The following USP34 variants were observed in gnomAD, a reference collection of about 807,000 sequenced individuals.
USP34 encodes ubiquitin specific peptidase 34, also known as ubiquitin carboxyl-terminal hydrolase 34.
Under a neutral mutation model 460.3 loss-of-function variants are expected in USP34, and 70 were observed. The observed-to-expected ratio is 0.15, with a 90% confidence interval of 0.13 to 0.19. USP34 has a LOEUF of 0.19. Ranked by LOEUF, USP34 falls within the 10% of genes least tolerant of loss-of-function variation. The pLI is 1.00. For missense variants in USP34, 3,985 were observed against 4,236.2 expected, an observed-to-expected ratio of 0.94 and a Z score of 1.65; for synonymous variants, 1,647 against 1,405.3, an observed-to-expected ratio of 1.17 and a Z score of -3.85.
chr2:61,382,526 A>G (rs1186571573), intron 6 of USP34, among the ~76,000 whole-genome samples: 1 of 152,226 alleles, frequency 6.6e-6, no homozygotes, highest in Non-Finnish European at 1.5e-5. Context: ...ACTTACTTGC[A>G]TAGCATTCAT....
rs748507439 is a variant in USP34 at position 61,208,956 on chromosome 2, T to C, written c.8862A>G (p.Glu2954=). 1.9e-6 allele frequency: 3 copies of C among 1,593,922 alleles called. No homozygotes were observed. The highest frequency in any genetic ancestry group is 2.7e-5 in the African/African-American group (2 of 74,256). Residue 2954 remains glutamate, a synonymous_variant, in exon 70 of 80, where the codon GAA becomes GAG. Coordinates refer to ENST00000398571, the MANE Select transcript of USP34 (RefSeq NM_014709.4). ...TLISAFRILL[E]SDEDRLLVVF... ...CAACAAGAAGTCTGTCTTCATCAGA[T>C]TCTAATAGTATTCTGAAGGCACTAG...
At chr2:61,202,138 T>C (rs753495498) in intron 75 of USP34, among the ~76,000 whole-genome samples, 7 of 152,318 alleles carry the variant, frequency 4.6e-5, no homozygotes, top group Middle Eastern at 3.4e-3. Context: ...GAATTATCCC[T>C]GACAGCTGTT....
chr2:61,269,246 A>T (rs1011035441), intron 41 of USP34, among the ~76,000 whole-genome samples: 2 of 151,696 alleles, frequency 1.3e-5, no homozygotes, highest in African/African-American at 2.4e-5. Context: ...CTGCAGCCTC[A>T]ATCTCCCAGG....
At chr2:61,195,918 T>C (rs929295625) in intron 75 of USP34, among the ~76,000 whole-genome samples, 34 of 151,936 alleles carry the variant, frequency 2.2e-4, no homozygotes, top group African/African-American at 7.3e-4. Context: ...TTTTTTTTCT[T>C]TTTTTGAGAC....
intron 1 of USP34, among the ~76,000 whole-genome samples, chr2:61,448,731 C>G (rs1695188396): frequency 6.6e-6 from 1 of 152,098 alleles, no homozygotes; most frequent in South Asian, 2.1e-4. Context: ...GATCAAGGTA[C>G]CAAATCAACC....
At chr2:61,416,505 G>A (rs977855668) in intron 2 of USP34, among the ~76,000 whole-genome samples, 4 of 152,080 alleles carry the variant, frequency 2.6e-5, no homozygotes, top group African/African-American at 4.8e-5. Flanking sequence ...GTTAAGGAAC[G>A]TGGAATTTCC....
At chr2:61,278,045 G>T in intron 41 of USP34, 120 bp downstream of exon 41, 1 of 1,244,408 alleles carries the variant, frequency 8.0e-7, no homozygotes, top group South Asian at 1.7e-5. Flanking sequence ...CTTTTCTTTT[G>T]TAAACTGCCC....
At chr2:61,219,924 C>A (rs1687510304) in intron 67 of USP34, among the ~76,000 whole-genome samples, 2 of 151,670 alleles carry the variant, frequency 1.3e-5, no homozygotes. Context: ...TTGTGTACAA[C>A]TTAAAGTGTT....
chr2:61,197,892 T>TG (rs1686855000), intron 75 of USP34, among the ~76,000 whole-genome samples: 1 of 152,208 alleles, frequency 6.6e-6, no homozygotes, highest in Non-Finnish European at 1.5e-5. Flanking sequence ...CCCAAGCAGC[T>TG]GGGACTACAG....
At chr2:61,311,482 A>AAAAAAAGAGAAAGAGAG (rs1690591966) in intron 27 of USP34, 58 bp downstream of exon 27, 1 of 1,508,152 alleles carries the variant, frequency 6.6e-7, no homozygotes. Flanking sequence ...GAGAAAGAGA[A>AAAAAAAGAGAAAGAGAG]AGAGAAAAAG....
intron 34 of USP34, among the ~76,000 whole-genome samples, chr2:61,286,618 G>A (rs1249718599): frequency 6.6e-6 from 1 of 152,064 alleles, no homozygotes; most frequent in Non-Finnish European, 1.5e-5. Context: ...TGGCGCCAGT[G>A]CACTTCAGCT....
intron 49 of USP34, among the ~76,000 whole-genome samples, chr2:61,247,086 TAAAG>T (rs1225707971): frequency 4.0e-5 from 6 of 151,386 alleles, no homozygotes; most frequent in South Asian, 2.1e-4. Flanking sequence ...AGAAACAAAA[TAAAG>T]AAAAAGGTAC....
rs1475316115 is a variant in USP34 at position 61,188,077 on chromosome 2, A to C, written c.*25T>G. On this transcript the variant is annotated 3_prime_UTR_variant, in exon 80 of 80. Coordinates refer to ENST00000398571, the MANE Select transcript of USP34 (RefSeq NM_014709.4). ...CATGGGGGTTGGGGGTGAGGGACTT[A>C]AAAGTAGACATGCTACACCTAATGT... 4 of 1,591,290 alleles carry C rather than the reference A, an allele frequency of 2.5e-6. No individual in the cohort carries two copies. Among genetic ancestry groups the C allele is most frequent in the Non-Finnish European group, 3.4e-6 (4 of 1,168,646 alleles).
At chr2:61,391,682 T>C (rs1693352070) in intron 5 of USP34, among the ~76,000 whole-genome samples, 2 of 152,038 alleles carry the variant, frequency 1.3e-5, no homozygotes, top group Admixed American at 1.3e-4. Flanking sequence ...GGAATAGACA[T>C]ACAAAAATGA....
At chr2:61,281,003 A>C (rs1689520872) in intron 38 of USP34, 87 bp downstream of exon 38, 5 of 1,416,548 alleles carry the variant, frequency 3.5e-6, no homozygotes, top group Non-Finnish European at 4.7e-6. Flanking sequence ...TCAAATGATC[A>C]AAATTTTAAG....
Position 61,311,562 on chromosome 2 carries a change from G to C in USP34, c.3795C>G (p.Ser1265Arg). The C allele has an allele frequency of 6.2e-7, 1 of 1,605,598 alleles. No individual in the cohort carries two copies. The highest frequency in any genetic ancestry group is 8.5e-7 in the Non-Finnish European group (1 of 1,177,026). The change falls in exon 27 of 80, where the codon AGC becomes AGG. Residue 1265 changes from serine to arginine, a missense_variant. Transcript: ENST00000398571. Reference protein sequence around the residue: ...QQAQLQEFGQSNRKGEFPGGL... With the variant: ...QQAQLQEFGQRNRKGEFPGGL... The stretch of plus-strand genomic sequence containing the variant: ...TACCAGGAAACTCTCCTTTTCGGTT[G>C]CTTTGACCAAACTCCTGAAGCTGAG...
At chr2:61,400,771 A>T (rs1693692994) in intron 3 of USP34, among the ~76,000 whole-genome samples, 1 of 152,136 alleles carries the variant, frequency 6.6e-6, no homozygotes, top group African/African-American at 2.4e-5. Context: ...GGGTTACTTG[A>T]GTCCAGGAGT....
chr2:61,291,064 T>C (rs768904824), intron 33 of USP34, among the ~76,000 whole-genome samples: 14 of 152,144 alleles, frequency 9.2e-5, no homozygotes, highest in Admixed American at 1.3e-4. Flanking sequence ...TCACATGCAC[T>C]GTAAGGAATC....
chr2:61,194,345 C>G (rs1261350846), intron 75 of USP34: 2 of 972,780 alleles, frequency 2.1e-6, no homozygotes, highest in Non-Finnish European at 2.4e-6. Flanking sequence ...AAGGACATGT[C>G]ATCACATCTG....
Sources: gnomAD v4.1 joint callset for allele counts (sites outside exome capture counted in the v4.1 genomes callset) on GRCh38, gnomAD v4.1.1 for gene constraint, MANE v1.5 for transcripts, NCBI Gene and HGNC (gene_info 2026-07-23, HGNC 2026-07-21) for gene names.